The following PPFIA4 variants were observed in gnomAD, a reference collection of about 807,000 sequenced individuals.
PPFIA4 encodes PPFI scaffold protein A4.
In PPFIA4, 98 loss-of-function variants were observed where a neutral mutation model predicts 145.7. The observed-to-expected ratio is 0.67, with a 90% CI of 0.57 to 0.80. PPFIA4 has a LOEUF of 0.80. Ranked by LOEUF, PPFIA4 falls within the 30% of genes least tolerant of loss-of-function variation. The pLI is 0.00. For missense variants in PPFIA4, 1,457 were observed against 1,632.7 expected (o/e 0.89, Z 1.85); for synonymous variants, 628 against 649.6 (o/e 0.97, Z 0.51).
chr1:203,050,642 G>A (rs1660440796), intron 13 of PPFIA4, among the ~76,000 whole-genome samples: 1 of 152,184 alleles, frequency 6.6e-6, no homozygotes, highest in African/African-American at 2.4e-5. Context: ...TTGAAATAGG[G>A]AAGGGGATGT....
At position 203,068,857 on chromosome 1, in the gene PPFIA4, C is replaced by G. The variant is rs1661926301; in HGVS notation, c.3324+229C>G. Among the ~76,000 whole-genome samples, 1 of 152,176 alleles carries G rather than the reference C, an allele frequency of 6.6e-6. No homozygotes were observed. Among genetic ancestry groups the G allele is most frequent in the South Asian group, 2.1e-4 (1 of 4,830 alleles). On this transcript the variant is annotated intron_variant, in intron 27 of 29. Coordinates refer to ENST00000295706, the MANE Select transcript of PPFIA4 (RefSeq NM_001304331.2). The surrounding 1 kb of genome is among the most constrained non-coding windows in gnomAD (Gnocchi z 4.7). ...CATACAGAGCACACCTAGCGTGGGC[C>G]TGGCACACAGTGTGCTCTTACAATG...
intron 1 of PPFIA4, among the ~76,000 whole-genome samples, chr1:203,029,542 C>A (rs1429436828): frequency 6.6e-6 from 1 of 152,234 alleles, no homozygotes; most frequent in Non-Finnish European, 1.5e-5. Flanking sequence ...TTCTGTCTTA[C>A]ATGTCTTTTG....
intron 4 of PPFIA4, 140 bp from the exon 5 acceptor site, chr1:203,044,238 TA>T: frequency 8.5e-7 from 1 of 1,172,768 alleles, no homozygotes; most frequent in Non-Finnish European, 1.2e-6. Flanking sequence ...GTCCTCCTGT[TA>T]GGCTCCCTCC....
At chr1:203,059,112 C>T (rs143807592) in intron 19 of PPFIA4, 66 bp from the exon 20 acceptor site, 2 of 1,302,214 alleles carry the variant, frequency 1.5e-6, no homozygotes. Flanking sequence ...CTGTTCCCCA[C>T]CCCTGATCCA....
chr1:203,037,603 C>G (rs1410524854), intron 1 of PPFIA4, among the ~76,000 whole-genome samples: 1 of 152,242 alleles, frequency 6.6e-6, no homozygotes, highest in Non-Finnish European at 1.5e-5. Flanking sequence ...CGGCCTTTTT[C>G]TCATTACTTT....
intron 1 of PPFIA4, among the ~76,000 whole-genome samples, chr1:203,028,995 C>A (rs1397381700): frequency 1.3e-5 from 2 of 152,078 alleles, no homozygotes; most frequent in Admixed American, 6.5e-5. Flanking sequence ...GAAGGGGCTG[C>A]TTCTAGGGGA....
intron 15 of PPFIA4, among the ~76,000 whole-genome samples, chr1:203,054,637 G>A: frequency 6.6e-6 from 1 of 150,864 alleles, no homozygotes; most frequent in East Asian, 1.9e-4. Context: ...CCAGTTCAAT[G>A]GTTCAATGTA....
In PPFIA4 at chr1:203,063,824, C is replaced by G. The variant is rs750209030; in HGVS notation, c.2875-4C>G. The G allele has an allele frequency of 1.2e-6, 2 of 1,613,890 alleles. No individual in the cohort carries two copies. The highest frequency in any genetic ancestry group is 3.3e-5 in the Admixed American group (2 of 60,014). On this transcript the variant is annotated splice_polypyrimidine_tract_variant and splice_region_variant and intron_variant, in intron 24 of 29. Coordinates refer to ENST00000295706, the MANE Select transcript of PPFIA4 (RefSeq NM_001304331.2). ...TAATAGCCTCCTGCATCTCATTTCC[C>G]TAGACCCTGGCCTATGGGGACATGA...
intron 24 of PPFIA4, among the ~76,000 whole-genome samples, chr1:203,062,479 CAAAAAAAAAAA>C (rs34987795): frequency 1.1e-4 from 4 of 35,362 alleles, no homozygotes; most frequent in East Asian, 9.2e-4. Context: ...GACTCCGTCT[CAAAAAAAAAAA>C]AAAAAAAAAA....
chr1:203,078,365 A>C lies in PPFIA4; in HGVS notation c.*1975A>C, dbSNP rs908389046. 2 of 152,236 alleles carry C rather than the reference A, an allele frequency of 1.3e-5. No individual in the cohort carries two copies. The highest frequency in any genetic ancestry group is 2.9e-5 in the Non-Finnish European group (2 of 68,040). 9.4% of individuals were successfully genotyped at this position (152,236 alleles called of 1,614,324 possible). A position where few individuals can be genotyped will look rare whatever the true frequency, so the allele number is the denominator to read the frequency against. On this transcript the variant is annotated 3_prime_UTR_variant, in exon 30 of 30. Coordinates refer to ENST00000295706, the MANE Select transcript of PPFIA4 (RefSeq NM_001304331.2). Reference sequence around the variant, plus strand: ...GATGGGCTGGCTGTAAGGGAGACTCAGTCCCAGCCTCTCCCCTCTACAACT... The same window carrying C: ...GATGGGCTGGCTGTAAGGGAGACTCCGTCCCAGCCTCTCCCCTCTACAACT...
Position 203,073,120 on chromosome 1 carries a change from C to T in PPFIA4, c.3393+1360C>T, listed in dbSNP as rs12744603. 4.1e-3 allele frequency among the ~76,000 whole-genome samples: 625 copies of T among 152,280 alleles called. 3 individuals carry two copies. The highest frequency in any genetic ancestry group is 7.1e-3 in the Non-Finnish European group (486 of 68,020). ...CTTTGAATGCCTGCCCTGTGCCAGGCATTGTGCCAGGCATGGTGGTTAGTG... is the reference window on the plus strand; with the variant it reads ...CTTTGAATGCCTGCCCTGTGCCAGGTATTGTGCCAGGCATGGTGGTTAGTG... On this transcript the variant is annotated intron_variant, in intron 28 of 29. Coordinates refer to ENST00000295706, the MANE Select transcript of PPFIA4 (RefSeq NM_001304331.2).
At chr1:203,061,113 C>A in intron 23 of PPFIA4, 81 bp downstream of exon 23, 1 of 1,343,934 alleles carries the variant, frequency 7.4e-7, no homozygotes, top group Non-Finnish European at 1.1e-6. Flanking sequence ...AGGCTGTGGG[C>A]AGTCAGAGTG....
chr1:203,066,393 A>C (rs1364528056), intron 25 of PPFIA4, among the ~76,000 whole-genome samples: 2 of 152,252 alleles, frequency 1.3e-5, no homozygotes, highest in Non-Finnish European at 2.9e-5. Context: ...AATCTCACAA[A>C]GCAGTGCCCT....
In PPFIA4 at chr1:203,045,381, G is replaced by A. The variant is rs773987296; in HGVS notation, c.680G>A (p.Arg227Gln). The change falls in exon 7 of 30, where the codon CGG becomes CAG. Residue 227 changes from arginine (R) to glutamine (Q), a missense_variant. Around this residue, in one of 3 missense-constraint regions of PPFIA4, gnomAD observed 463 missense variants for 459.8 expected, o/e 1.01. Transcript: ENST00000295706. ...CTATCCCTGGAGGAGGATACGGGCCGGGTAGAGGAGCTGCAGGAGCTCCTG... is the reference window on the plus strand; with the variant it reads ...CTATCCCTGGAGGAGGATACGGGCCAGGTAGAGGAGCTGCAGGAGCTCCTG... ...PKRLWKEDTGRVEELQELLEK... is the reference protein window; with the variant it reads ...PKRLWKEDTGQVEELQELLEK... 1.9e-4 allele frequency: 298 copies of A among 1,601,322 alleles called. No homozygotes were observed. The highest frequency in any genetic ancestry group is 2.4e-4 in the Non-Finnish European group (286 of 1,174,660).
chr1:203,064,434 C>G (rs1661591497), intron 25 of PPFIA4, among the ~76,000 whole-genome samples: 1 of 152,202 alleles, frequency 6.6e-6, no homozygotes, highest in South Asian at 2.1e-4. Flanking sequence ...GGGCCATTGC[C>G]ATGCCGACAT....
chr1:203,043,816 C>A lies in PPFIA4; in HGVS notation c.337-115C>A. On this transcript the variant is annotated intron_variant, in intron 3 of 29. Transcript: ENST00000295706. This position sits in a 1 kb window ranked among gnomAD's most constrained non-coding sequence, Gnocchi z 4.4. ...CCATTTGGAAGTATTTCAGTGTTTTCACAGTGGGGTGGCTGTAACTCATGT... is the reference window on the plus strand; with the variant it reads ...CCATTTGGAAGTATTTCAGTGTTTTAACAGTGGGGTGGCTGTAACTCATGT... 9.2e-7 allele frequency: 1 copy of A among 1,084,680 alleles called. No homozygotes were observed. The highest frequency in any genetic ancestry group is 1.3e-6 in the Non-Finnish European group (1 of 770,838). The allele number at this position is 1,084,680 out of a possible 1,614,324, so 67.2% of individuals were successfully genotyped here. A position where few individuals can be genotyped will look rare whatever the true frequency, so the allele number is the denominator to read the frequency against.
At chr1:203,030,497 A>G (rs1213171432) in intron 1 of PPFIA4, among the ~76,000 whole-genome samples, 2 of 152,184 alleles carry the variant, frequency 1.3e-5, no homozygotes, top group Admixed American at 6.5e-5. Flanking sequence ...GAGATGGTGC[A>G]GTGCATCCCT....
rs1659858344 is a variant in PPFIA4, at chr1:203,043,650, T to A, written c.336+152T>A. Among the ~76,000 whole-genome samples the A allele has an allele frequency of 6.6e-6, 1 of 152,074 alleles. No individual in the cohort carries two copies. Among genetic ancestry groups the A allele is most frequent in the African/African-American group, 2.4e-5 (1 of 41,412 alleles). On this transcript the variant is annotated intron_variant, in intron 3 of 29. Coordinates refer to ENST00000295706, the MANE Select transcript of PPFIA4 (RefSeq NM_001304331.2). This position sits in a 1 kb window ranked among gnomAD's most constrained non-coding sequence, Gnocchi z 4.4. ...CATCCTTCCCTCTTCCTGTCTCCCA[T>A]CCTGGGGTGAGAGTTACATCGTTTA... is the stretch of plus-strand genomic sequence containing the variant.
At position 203,060,256 on chromosome 1, in the gene PPFIA4, C is replaced by T. The variant is rs372797344; in HGVS notation, c.2623C>T (p.Arg875Trp). ...GCCTGCCTGGTATGTGGCAGCCTGCCGGGCCAACGTCAAGAGTGGTGCCAT... is the reference window on the plus strand; with the variant it reads ...GCCTGCCTGGTATGTGGCAGCCTGCTGGGCCAACGTCAAGAGTGGTGCCAT... The part of the protein sequence containing the change: ...GMPAWYVAAC[R>W]ANVKSGAIMS... The change falls in exon 22 of 30, where the codon CGG becomes TGG. Residue 875 changes from arginine (R) to tryptophan (W), a missense_variant. By Grantham distance (101) the Arg-to-Trp change is moderately radical (BLOSUM62 -3). This residue lies in a region of PPFIA4 where 848 missense variants were observed against 1,046.7 expected (regional missense o/e 0.81). Transcript: ENST00000295706. The surrounding 1 kb of genome is among the most constrained non-coding windows in gnomAD (Gnocchi z 4.8). The T allele has an allele frequency of 9.9e-6, 16 of 1,614,090 alleles. No individual in the cohort carries two copies. Among genetic ancestry groups the T allele is most frequent in the East Asian group, 2.2e-5 (1 of 44,872 alleles).
Sources: gnomAD v4.1 joint callset for allele counts (sites outside exome capture counted in the v4.1 genomes callset) on GRCh38, gnomAD v4.1.1 for gene constraint, gnomAD v4.1.1 regional missense constraint, Gnocchi (gnomAD v3.1) non-coding constraint, MANE v1.5 for transcripts, NCBI Gene and HGNC (gene_info 2026-07-23, HGNC 2026-07-21) for gene names.